Variants in IMMP2L observed in about 807,000 individuals in gnomAD.
The protein encoded by IMMP2L is inner mitochondrial membrane peptidase subunit 2.
IMMP2L carries 18 observed loss-of-function variants against 19.3 expected under a neutral mutation model. The ratio of observed to expected loss-of-function variants is 0.93; its 90% CI spans 0.64 to 1.38. The LOEUF is 1.38. IMMP2L is among the 40% of genes most tolerant of loss of function. The pLI, the probability that IMMP2L is intolerant of heterozygous loss-of-function variation, is 0.00. For missense variants in IMMP2L, 233 were observed against 218.2 expected (o/e 1.07, Z -0.43); for synonymous variants, 76 against 73.0 (o/e 1.04, Z -0.21).
chr7:110,664,174 T>C (rs1044755043), intron 5 of IMMP2L, among the ~76,000 whole-genome samples: 5 of 150,710 alleles, frequency 3.3e-5, no homozygotes, highest in African/African-American at 1.2e-4. Flanking sequence ...ATTCTCAGAG[T>C]TTCCCGCAGA....
intron 5 of IMMP2L, among the ~76,000 whole-genome samples, chr7:110,864,474 T>C (rs1807783472): frequency 6.6e-6 from 1 of 152,104 alleles, no homozygotes; most frequent in Admixed American, 6.6e-5. Context: ...AGCAAAAATT[T>C]GACCAAGCCA....
At chr7:111,170,491 T>C (rs1427199737) in intron 3 of IMMP2L, among the ~76,000 whole-genome samples, 1 of 151,800 alleles carries the variant, frequency 6.6e-6, no homozygotes, top group Non-Finnish European at 1.5e-5. Context: ...CACAATACAA[T>C]AGTTTAGGCC....
At position 111,549,150 on chromosome 7, in the gene IMMP2L, T is replaced by C. The variant is rs551009643; in HGVS notation, c.-3+12701A>G. 3.3e-5 allele frequency among the ~76,000 whole-genome samples: 5 copies of C among 152,310 alleles called. No homozygotes were observed. The South Asian group carries it at 8.3e-4, about 25-fold the overall frequency. On this transcript the variant is annotated intron_variant, in intron 1 of 5. Transcript: ENST00000405709. ...CATCTTTTTGGCAGTATTGACTTGT[T>C]AGCCCCAAATCATTATTTCCCTTCT...
In IMMP2L at chr7:111,370,501, A is replaced by G. The variant is rs780269086; in HGVS notation, c.239+116737T>C. Reference sequence around the variant, plus strand: ...ACGTCTATGGAAAAACTTTTAAAATACTTTATTGCACCCTTGTTCAAACGT... The same window carrying G: ...ACGTCTATGGAAAAACTTTTAAAATGCTTTATTGCACCCTTGTTCAAACGT... On this transcript the variant is annotated intron_variant, in intron 3 of 5. Coordinates refer to ENST00000405709, the MANE Select transcript of IMMP2L (RefSeq NM_032549.4). Among the ~76,000 whole-genome samples, 83 of 152,020 alleles carry G rather than the reference A, an allele frequency of 5.5e-4. 1 individual carries two copies. Among genetic ancestry groups the G allele is most frequent in the Non-Finnish European group, 2.4e-4 (16 of 67,954 alleles).
chr7:110,931,180 G>A (rs1024315489), intron 4 of IMMP2L, among the ~76,000 whole-genome samples: 5 of 152,120 alleles, frequency 3.3e-5, no homozygotes, highest in African/African-American at 1.2e-4. Flanking sequence ...CATTCTATAT[G>A]TTTTGCAGGA....
intron 3 of IMMP2L, among the ~76,000 whole-genome samples, chr7:111,047,186 G>GT (rs68112726): frequency 6.7e-5 from 10 of 149,974 alleles, no homozygotes; most frequent in South Asian, 2.1e-4. Context: ...TTTTTTTTTT[G>GT]TTTTTTTTTT....
intron 5 of IMMP2L, among the ~76,000 whole-genome samples, chr7:110,715,569 T>G (rs1795182036): frequency 1.3e-5 from 2 of 152,334 alleles, no homozygotes; most frequent in South Asian, 2.1e-4. Flanking sequence ...CAGGTAATTT[T>G]GTCATTTTGG....
intron 3 of IMMP2L, among the ~76,000 whole-genome samples, chr7:111,416,023 AC>A (rs766248960): frequency 1.1e-4 from 16 of 151,806 alleles, no homozygotes; most frequent in Admixed American, 4.6e-4. Context: ...TATTATGTGA[AC>A]TTCATCTCAG....
intron 5 of IMMP2L, among the ~76,000 whole-genome samples, chr7:110,689,667 T>C (rs377357227): frequency 1.3e-5 from 2 of 152,176 alleles, no homozygotes; most frequent in East Asian, 3.9e-4. Flanking sequence ...AACCCCAAGT[T>C]TTCTGTATCC....
chr7:111,124,864 G>A (rs1303450584), intron 3 of IMMP2L: 5 of 1,608,238 alleles, frequency 3.1e-6, no homozygotes, highest in Non-Finnish European at 3.4e-6. Context: ...GAAAGTAAAA[G>A]CAACTGTTAT....
intron 3 of IMMP2L, among the ~76,000 whole-genome samples, chr7:111,329,282 A>G (rs1282001868): frequency 6.6e-6 from 1 of 151,870 alleles, no homozygotes; most frequent in Non-Finnish European, 1.5e-5. Flanking sequence ...GAAAAAAAAG[A>G]GAAGGAGAAG....
chr7:111,258,492 A>T (rs1816964803), intron 3 of IMMP2L, among the ~76,000 whole-genome samples: 1 of 152,070 alleles, frequency 6.6e-6, no homozygotes, highest in Admixed American at 6.6e-5. Context: ...TATGAAGAAA[A>T]GCATTTTTTA....
At chr7:111,379,376 A>G (rs6960821) in intron 3 of IMMP2L, among the ~76,000 whole-genome samples, 3,187 of 151,878 alleles carry the variant, frequency 0.021, 120 homozygotes, top group African/African-American at 0.073. Context: ...GTATTATGCA[A>G]GATAATAGTT....
chr7:110,880,054 T>A (rs932950745), intron 5 of IMMP2L, among the ~76,000 whole-genome samples: 4 of 152,122 alleles, frequency 2.6e-5, no homozygotes, highest in Admixed American at 6.5e-5. Context: ...TCATGGGGCC[T>A]GTGATGACCT....
At chr7:110,800,185 A>G (rs1801147392) in intron 5 of IMMP2L, among the ~76,000 whole-genome samples, 1 of 152,054 alleles carries the variant, frequency 6.6e-6, no homozygotes, top group South Asian at 2.1e-4. Flanking sequence ...TAAACAAAAT[A>G]TTTAACTAAT....
chr7:111,133,261 G>A (rs768686962), intron 3 of IMMP2L, among the ~76,000 whole-genome samples: 1 of 151,950 alleles, frequency 6.6e-6, no homozygotes, highest in Non-Finnish European at 1.5e-5. Flanking sequence ...TCTGGCAATT[G>A]CAATTCAGGG....
At chr7:110,878,853 T>C (rs1809345006) in intron 5 of IMMP2L, among the ~76,000 whole-genome samples, 1 of 152,200 alleles carries the variant, frequency 6.6e-6, no homozygotes, top group Non-Finnish European at 1.5e-5. Flanking sequence ...GTAATAATAA[T>C]TAAATTCAGT....
At chr7:111,556,144 C>T (rs1239965961) in intron 1 of IMMP2L, among the ~76,000 whole-genome samples, 1 of 150,582 alleles carries the variant, frequency 6.6e-6, no homozygotes, top group Non-Finnish European at 1.5e-5. Context: ...GAGAATAAAA[C>T]AGTGATCCCA....
At chr7:111,552,061 A>G (rs1317024141) in intron 1 of IMMP2L, among the ~76,000 whole-genome samples, 1 of 152,118 alleles carries the variant, frequency 6.6e-6, no homozygotes, top group African/African-American at 2.4e-5. Flanking sequence ...ATTTTCTCCC[A>G]TTCAATGTAC....
Sources: gnomAD v4.1 joint callset for allele counts (sites outside exome capture counted in the v4.1 genomes callset) on GRCh38, gnomAD v4.1.1 for gene constraint, MANE v1.5 for transcripts, NCBI Gene and HGNC (gene_info 2026-07-23, HGNC 2026-07-21) for gene names.